CDKAL1: variants seen among roughly 807,000 people sequenced by gnomAD.
The protein encoded by CDKAL1 is CDKAL1 threonylcarbamoyladenosine tRNA methylthiotransferase, also known as threonylcarbamoyladenosine tRNA methylthiotransferase.
In CDKAL1, 32 loss-of-function variants were observed where a neutral mutation model predicts 68.2. That is an observed-to-expected ratio of 0.47 (90% CI 0.35 to 0.63). The LOEUF is 0.63. Ranked by LOEUF, CDKAL1 falls within the 30% of genes least tolerant of loss-of-function variation. The pLI is 0.00. For missense variants in CDKAL1, 606 were observed against 696.7 expected (o/e 0.87, Z 1.47); for synonymous variants, 234 against 244.3 (o/e 0.96, Z 0.39).
chr6:21,021,695 T>G lies in CDKAL1; in HGVS notation c.1055+21323T>G, dbSNP rs1582044236. Among the ~76,000 whole-genome samples, 3 of 152,300 alleles carry G rather than the reference T, an allele frequency of 2.0e-5. 1 individual carries two copies. The South Asian group carries it at 6.2e-4, about 32-fold the overall frequency. ...TGCCATCCTTTGGGGTTGTCAAAGT[T>G]GAAATTAAAGATACATTTTTTCAAA... is the stretch of plus-strand genomic sequence containing the variant. On this transcript the variant is annotated intron_variant, in intron 11 of 15. Coordinates refer to ENST00000274695, the MANE Select transcript of CDKAL1 (RefSeq NM_017774.3).
chr6:21,140,759 T>A (rs1003736453), intron 13 of CDKAL1, among the ~76,000 whole-genome samples: 1 of 152,192 alleles, frequency 6.6e-6, no homozygotes, highest in East Asian at 1.9e-4. Context: ...CCTTAAAAAC[T>A]TGTCCTGCTT....
intron 9 of CDKAL1, among the ~76,000 whole-genome samples, chr6:20,910,081 C>A (rs1460551333): frequency 6.6e-6 from 1 of 152,198 alleles, no homozygotes; most frequent in Non-Finnish European, 1.5e-5. Context: ...TATCATTCTT[C>A]CTTTTACTTC....
chr6:21,183,061 A>G (rs1394770315), intron 13 of CDKAL1, among the ~76,000 whole-genome samples: 2 of 152,006 alleles, frequency 1.3e-5, no homozygotes, highest in Non-Finnish European at 2.9e-5. Flanking sequence ...AAGAAGAATG[A>G]TAAATATTTA....
intron 4 of CDKAL1, among the ~76,000 whole-genome samples, chr6:20,556,087 G>A (rs1005270905): frequency 3.9e-5 from 6 of 151,926 alleles, no homozygotes; most frequent in African/African-American, 9.7e-5. Flanking sequence ...TTTCTTGGCC[G>A]GGTGCGATCG....
chr6:20,926,086 A>T (rs16884302), intron 9 of CDKAL1, among the ~76,000 whole-genome samples: 15,132 of 152,174 alleles, frequency 0.099, 871 homozygotes, highest in Non-Finnish European at 0.12. Context: ...TTAGTAAACA[A>T]TGAAAAACAT....
chr6:20,889,994 T>C (rs1246470123), intron 9 of CDKAL1, among the ~76,000 whole-genome samples: 1 of 152,100 alleles, frequency 6.6e-6, no homozygotes, highest in Non-Finnish European at 1.5e-5. Flanking sequence ...GCTCTAGTGA[T>C]CCTCCTGCCT....
intron 9 of CDKAL1, among the ~76,000 whole-genome samples, chr6:20,920,494 G>T (rs1762905228): frequency 6.6e-6 from 1 of 152,088 alleles, no homozygotes; most frequent in Non-Finnish European, 1.5e-5. Context: ...ATTTTATATT[G>T]CAATACTATT....
intron 8 of CDKAL1, among the ~76,000 whole-genome samples, chr6:20,818,062 A>G (rs187575687): frequency 5.6e-4 from 86 of 152,274 alleles, no homozygotes; most frequent in Non-Finnish European, 9.6e-4. Flanking sequence ...GTGTGGTGTC[A>G]GCTGTTCCCA....
At chr6:20,704,066 A>G (rs1433220711) in intron 5 of CDKAL1, among the ~76,000 whole-genome samples, 3 of 152,234 alleles carry the variant, frequency 2.0e-5, no homozygotes, top group South Asian at 2.1e-4. Flanking sequence ...TGTTTCAGGT[A>G]TTAAGCACTG....
At chr6:20,911,789 C>A (rs913980201) in intron 9 of CDKAL1, among the ~76,000 whole-genome samples, 2 of 152,188 alleles carry the variant, frequency 1.3e-5, no homozygotes, top group African/African-American at 4.8e-5. Context: ...GTGACACAGA[C>A]TTTTATTCCT....
intron 13 of CDKAL1, among the ~76,000 whole-genome samples, chr6:21,195,957 A>G: frequency 6.6e-6 from 1 of 152,230 alleles, no homozygotes; most frequent in Non-Finnish European, 1.5e-5. Flanking sequence ...TCTTTGGCAA[A>G]TAATAGTTAA....
intron 11 of CDKAL1, among the ~76,000 whole-genome samples, chr6:21,014,879 T>G (rs1273101348): frequency 6.6e-6 from 1 of 152,190 alleles, no homozygotes; most frequent in African/African-American, 2.4e-5. Context: ...ATCAGAAAAT[T>G]TCATTTGATG....
chr6:20,606,765 T>C (rs1766352832), intron 4 of CDKAL1, among the ~76,000 whole-genome samples: 1 of 152,234 alleles, frequency 6.6e-6, no homozygotes, highest in Non-Finnish European at 1.5e-5. Context: ...AGATGCTTCG[T>C]AAAATCTATT....
At chr6:20,626,102 T>C (rs76235859) in intron 4 of CDKAL1, among the ~76,000 whole-genome samples, 44,423 of 152,074 alleles carry the variant, frequency 0.29, 6,591 homozygotes, top group Middle Eastern at 0.38. Context: ...CTAAGTTCAC[T>C]TTTGTTACAT....
In CDKAL1 at chr6:20,656,843, T is replaced by C. The variant is rs185826631; in HGVS notation, c.371+7466T>C. Among the ~76,000 whole-genome samples, 511 of 152,290 alleles carry C rather than the reference T, an allele frequency of 3.4e-3. 6 individuals carry two copies. The highest frequency in any genetic ancestry group is 0.012 in the African/African-American group (478 of 41,548). The stretch of plus-strand genomic sequence containing the variant: ...GCAAGCACAGGTTCCTTTAATGTAC[T>C]ATTCTGCTTGATTGAAAGAAAATTT... On this transcript the variant is annotated intron_variant, in intron 5 of 15. Transcript: ENST00000274695.
At chr6:20,610,650 C>T (rs1581816457) in intron 4 of CDKAL1, among the ~76,000 whole-genome samples, 1 of 152,100 alleles carries the variant, frequency 6.6e-6, no homozygotes, top group Non-Finnish European at 1.5e-5. Flanking sequence ...CCCTCCTTTT[C>T]TCTTATTTTC....
At chr6:20,612,996 CA>C (rs1766692529) in intron 4 of CDKAL1, among the ~76,000 whole-genome samples, 2 of 10,480 alleles carry the variant, frequency 1.9e-4, no homozygotes, top group Admixed American at 9.7e-4. Context: ...TTTCTACACA[CA>C]CACACACACA....
chr6:21,075,004 T>C (rs1386118516), intron 12 of CDKAL1, among the ~76,000 whole-genome samples: 1 of 152,068 alleles, frequency 6.6e-6, no homozygotes, highest in African/African-American at 2.4e-5. Flanking sequence ...CAAAGCCTAT[T>C]TCCTTGCCAA....
chr6:21,185,605 C>A lies in CDKAL1; in HGVS notation c.1300-12416C>A, dbSNP rs961724909. 9.9e-5 allele frequency among the ~76,000 whole-genome samples: 15 copies of A among 152,202 alleles called. No individual in the cohort carries two copies. The East Asian group carries it at 2.9e-3, about 29-fold the overall frequency. The stretch of plus-strand genomic sequence containing the variant: ...AGGATAGGTCTGAACCAAAGTACTC[C>A]CACTTAAATGGCATGATGTGTCTAC... On this transcript the variant is annotated intron_variant, in intron 13 of 15. Transcript: ENST00000274695.
Sources: allele counts gnomAD v4.1 joint callset (sites outside exome capture counted in the v4.1 genomes callset), GRCh38; gene constraint gnomAD v4.1.1; transcripts MANE v1.5; gene names NCBI Gene and HGNC (gene_info 2026-07-23, HGNC 2026-07-21).